The following PUDP variants were observed in gnomAD, a reference collection of about 807,000 sequenced individuals.
The protein encoded by PUDP is pseudouridine 5'-phosphatase.
A neutral mutation model predicts 9.4 loss-of-function variants in PUDP; 8 were observed. The observed-to-expected ratio is 0.85, with a 90% CI of 0.50 to 1.53. The LOEUF is 1.53. Among genes scored for constraint, PUDP ranks in the 40% most tolerant of loss-of-function variants. PUDP has a pLI of 0.00. For synonymous variants in PUDP, 99 were observed against 80.7 expected (o/e 1.23, Z -1.22); for missense variants, 188 against 189.7 (o/e 0.99, Z 0.05).
chrX:7,014,283 G>A (rs1929518020), intron 1 of PUDP, among the ~76,000 whole-genome samples: 1 of 110,009 alleles, frequency 9.1e-6, no homozygotes, highest in African/African-American at 3.3e-5. Flanking sequence ...TTCCCACTTA[G>A]GGCCGCGGGT....
At chrX:7,083,887 TCAA>T (rs200869115) in intron 2 of PUDP, among the ~76,000 whole-genome samples, 3 of 101,754 alleles carry the variant, frequency 2.9e-5, no homozygotes, top group Admixed American at 1.1e-4. Flanking sequence ...AAAGACTGTC[TCAA>T]CAACAACAAC....
intron 3 of PUDP, among the ~76,000 whole-genome samples, chrX:6,788,846 G>A (rs971208791): frequency 2.7e-5 from 3 of 112,509 alleles, no homozygotes; most frequent in Non-Finnish European, 3.8e-5. Flanking sequence ...TCCACAAAAC[G>A]AAATAAAGGG....
At chrX:7,084,694 T>C (rs1019547624) in intron 2 of PUDP, 1 of 110,555 alleles carries the variant, frequency 9.0e-6, no homozygotes, top group East Asian at 2.8e-4. Context: ...CAAAGGTCAT[T>C]AAAAATAACA....
chrX:6,815,946 G>GTA lies in PUDP; in HGVS notation c.*248-109482_*248-109481dup, dbSNP rs764161326. Among the ~76,000 whole-genome samples the GTA allele has an allele frequency of 3.8e-3, 404 of 106,218 alleles. 2 individuals are homozygous for GTA. The highest frequency in any genetic ancestry group is 0.013 in the African/African-American group (378 of 29,227). 92.2% of individuals were successfully genotyped at this position (106,218 alleles called of 115,157 possible). A position where few individuals can be genotyped will look rare whatever the true frequency, so the allele number is the denominator to read the frequency against. On this transcript the variant is annotated intron_variant and NMD_transcript_variant, in intron 3 of 3. Coordinates refer to the PUDP transcript ENST00000655425. ...CATATATATGGGGCTTTATATATAT[G>GTA]TATATATACACACTATATTATATAT...
At chrX:6,960,736 T>A (rs1300492891) in intron 3 of PUDP, among the ~76,000 whole-genome samples, 2 of 111,560 alleles carry the variant, frequency 1.8e-5, no homozygotes, top group Non-Finnish European at 3.8e-5. Flanking sequence ...AAATGAAACA[T>A]CAGGTCATGC....
chrX:7,012,397 T>C (rs1374632285), intron 1 of PUDP, among the ~76,000 whole-genome samples: 1 of 112,295 alleles, frequency 8.9e-6, no homozygotes, highest in African/African-American at 3.2e-5. Context: ...CCTGGACACA[T>C]GTTCCTGATA....
chrX:6,841,891 C>A (rs982096064), intron 3 of PUDP, among the ~76,000 whole-genome samples: 1 of 110,653 alleles, frequency 9.0e-6, no homozygotes, highest in African/African-American at 3.3e-5. Flanking sequence ...GTCACACATG[C>A]CAATTCTGTG....
intron 1 of PUDP, among the ~76,000 whole-genome samples, chrX:6,720,454 T>C (rs1363646643): frequency 9.5e-6 from 1 of 105,038 alleles, no homozygotes; most frequent in Non-Finnish European, 1.9e-5. Context: ...TCTAAAGAAG[T>C]TGAATTCCCA....
intron 3 of PUDP, among the ~76,000 whole-genome samples, chrX:6,881,385 C>G (rs982536195): frequency 8.9e-6 from 1 of 111,957 alleles, no homozygotes; most frequent in African/African-American, 3.2e-5. Context: ...TGTTTATAAT[C>G]TTTTACTGGA....
chrX:7,026,175 T>C (rs1261760857), intron 1 of PUDP, among the ~76,000 whole-genome samples: 1 of 112,128 alleles, frequency 8.9e-6, no homozygotes, highest in African/African-American at 3.2e-5. Flanking sequence ...CCCAGCAGCC[T>C]GCCCAAGGCT....
At position 6,802,713 on chromosome X, in the gene PUDP, G is replaced by A. The variant is rs753676732; in HGVS notation, c.*248-96247C>T. On this transcript the variant is annotated intron_variant and NMD_transcript_variant, in intron 3 of 3. Transcript: ENST00000655425. Reference sequence around the variant, plus strand: ...AGCCTGGGCCACATGGTGAAACCCCGTCTCTGCTAAAAATACAAAAAATTA... The same window carrying A: ...AGCCTGGGCCACATGGTGAAACCCCATCTCTGCTAAAAATACAAAAAATTA... Among the ~76,000 whole-genome samples the A allele has an allele frequency of 1.0e-4, 11 of 108,225 alleles. No individual in the cohort carries two copies. The South Asian group carries it at 3.2e-3, about 32-fold the overall frequency. The allele number at this position is 108,225 out of a possible 115,157, so 94.0% of individuals were successfully genotyped here.
intron 3 of PUDP, among the ~76,000 whole-genome samples, chrX:6,924,793 G>T (rs144983220): frequency 1.8e-5 from 2 of 112,496 alleles, no homozygotes; most frequent in South Asian, 7.3e-4. Context: ...AAAACAATGC[G>T]TTATTTAAAT....
At chrX:7,092,879 G>A (rs946395895) in intron 2 of PUDP, among the ~76,000 whole-genome samples, 6 of 112,438 alleles carry the variant, frequency 5.3e-5, no homozygotes, top group Admixed American at 2.8e-4. Flanking sequence ...CCACATTTGT[G>A]TCTACTCACT....
chrX:6,720,254 G>GTATATATATA (rs1403562241), intron 1 of PUDP, among the ~76,000 whole-genome samples: 40 of 39,435 alleles, frequency 1.0e-3, no homozygotes, highest in African/African-American at 2.8e-3. Flanking sequence ...ATGTGTGTGT[G>GTATATATATA]TGTGTATATA....
chrX:7,082,219 A>G (rs948144852), intron 2 of PUDP, among the ~76,000 whole-genome samples: 1 of 112,299 alleles, frequency 8.9e-6, no homozygotes, highest in Non-Finnish European at 1.9e-5. Context: ...AATGTGGAGA[A>G]TCAGCACTGT....
chrX:6,739,687 C>T (rs1924913428), intron 3 of PUDP, among the ~76,000 whole-genome samples: 1 of 111,963 alleles, frequency 8.9e-6, no homozygotes, highest in Non-Finnish European at 1.9e-5. Flanking sequence ...AATGAATGAA[C>T]TTACAAATAA....
chrX:6,996,916 G>A (rs1297023936), intron 1 of PUDP, among the ~76,000 whole-genome samples: 2 of 109,746 alleles, frequency 1.8e-5, no homozygotes, highest in Non-Finnish European at 3.8e-5. Context: ...TGATCCACCC[G>A]CCTTAACCTC....
intron 1 of PUDP, among the ~76,000 whole-genome samples, chrX:7,038,366 A>C (rs1929880251): frequency 8.9e-6 from 1 of 112,439 alleles, no homozygotes; most frequent in Non-Finnish European, 1.9e-5. Flanking sequence ...GGCTGGCAAT[A>C]CACGAAAGAG....
chrX:6,861,853 A>G (rs1167486287), intron 3 of PUDP, among the ~76,000 whole-genome samples: 1 of 111,453 alleles, frequency 9.0e-6, no homozygotes, highest in Non-Finnish European at 1.9e-5. Flanking sequence ...CCAGGGAAGG[A>G]GGCATTTGAC....
Sources: gnomAD v4.1 joint callset for allele counts (sites outside exome capture counted in the v4.1 genomes callset) on GRCh38, gnomAD v4.1.1 for gene constraint, MANE v1.5 for transcripts, NCBI Gene and HGNC (gene_info 2026-07-23, HGNC 2026-07-21) for gene names.